Variants in DSCAM observed in about 807,000 individuals in gnomAD.
The protein encoded by DSCAM is DS cell adhesion molecule.
DSCAM carries 47 observed loss-of-function variants against 217.7 expected under a neutral mutation model. That is an observed-to-expected ratio of 0.22 (90% CI 0.17 to 0.28). The LOEUF is 0.28. Ranked by LOEUF, DSCAM falls within the 10% of genes least tolerant of loss-of-function variation. The pLI, the probability that DSCAM is intolerant of heterozygous loss-of-function variation, is 1.00. For synonymous variants in DSCAM, 1,056 were observed against 1,015.3 expected (o/e 1.04, Z -0.76); for missense variants, 2,080 against 2,618.3 (o/e 0.79, Z 4.49).
At chr21:40,176,241 G>T (rs532098168) in intron 15 of DSCAM, among the ~76,000 whole-genome samples, 64 of 152,202 alleles carry the variant, frequency 4.2e-4, no homozygotes, top group African/African-American at 1.5e-3. Context: ...ACAACAATAG[G>T]GGTCTGGGAG....
chr21:40,506,144 A>G (rs896195704), intron 3 of DSCAM, among the ~76,000 whole-genome samples: 1 of 152,216 alleles, frequency 6.6e-6, no homozygotes, highest in African/African-American at 2.4e-5. Flanking sequence ...TGTGTAACGC[A>G]TTTTATAAGC....
chr21:40,364,755 T>C (rs1456315283), intron 4 of DSCAM, among the ~76,000 whole-genome samples: 1 of 131,836 alleles, frequency 7.6e-6, no homozygotes, highest in Non-Finnish European at 1.5e-5. Flanking sequence ...CACACTAGTA[T>C]ATATACATAT....
chr21:40,258,021 T>C (rs1021598723), intron 11 of DSCAM, among the ~76,000 whole-genome samples: 1 of 152,180 alleles, frequency 6.6e-6, no homozygotes, highest in African/African-American at 2.4e-5. Flanking sequence ...AGACTCAGAA[T>C]TGTGAAGTGC....
chr21:40,377,635 G>A (rs2074976288), intron 3 of DSCAM, among the ~76,000 whole-genome samples: 1 of 151,882 alleles, frequency 6.6e-6, no homozygotes, highest in East Asian at 2.0e-4. Flanking sequence ...GGGCGTTGGA[G>A]ACCAAACTAT....
chr21:40,435,008 T>C (rs1328816947), intron 3 of DSCAM, among the ~76,000 whole-genome samples: 1 of 152,212 alleles, frequency 6.6e-6, no homozygotes, highest in Non-Finnish European at 1.5e-5. Context: ...AGACCTACAT[T>C]GTCCCCAACA....
At chr21:40,546,368 T>C (rs1398100223) in intron 3 of DSCAM, among the ~76,000 whole-genome samples, 1 of 152,214 alleles carries the variant, frequency 6.6e-6, no homozygotes, top group Non-Finnish European at 1.5e-5. Context: ...AGGCAGACTC[T>C]GGCCCAAAGC....
chr21:40,664,070 A>G (rs1441230667), intron 3 of DSCAM, among the ~76,000 whole-genome samples: 1 of 152,200 alleles, frequency 6.6e-6, no homozygotes, highest in Admixed American at 6.5e-5. Flanking sequence ...ATGCACAAAT[A>G]ATGTATTTCT....
At chr21:40,731,626 T>C (rs2091011775) in intron 1 of DSCAM, among the ~76,000 whole-genome samples, 1 of 152,070 alleles carries the variant, frequency 6.6e-6, no homozygotes, top group Non-Finnish European at 1.5e-5. Context: ...TTCCCCTTTG[T>C]GTGTGTGTCC....
At chr21:40,712,469 C>CA (rs571819417) in intron 1 of DSCAM, among the ~76,000 whole-genome samples, 2,578 of 27,034 alleles carry the variant, frequency 0.095, 471 homozygotes, top group African/African-American at 0.2. Context: ...GACTCCGTCT[C>CA]AAAAAAAAAA....
chr21:40,384,197 C>T (rs2075057870), intron 3 of DSCAM: 1 of 152,472 alleles, frequency 6.6e-6, no homozygotes, highest in Non-Finnish European at 1.5e-5. Flanking sequence ...AGATGATTTT[C>T]ATTGTCAGAC....
intron 13 of DSCAM, among the ~76,000 whole-genome samples, chr21:40,187,595 A>C (rs2090909230): frequency 6.6e-6 from 1 of 152,136 alleles, no homozygotes; most frequent in Non-Finnish European, 1.5e-5. Flanking sequence ...TGGATTCCTA[A>C]AATTGAGCAA....
At chr21:40,202,289 GT>G (rs1317981652) in intron 11 of DSCAM, among the ~76,000 whole-genome samples, 1 of 152,224 alleles carries the variant, frequency 6.6e-6, no homozygotes, top group Non-Finnish European at 1.5e-5. Flanking sequence ...GAGTTGTCAT[GT>G]CTGAAGCCAT....
At chr21:40,599,280 G>T (rs1405709395) in intron 3 of DSCAM, among the ~76,000 whole-genome samples, 2 of 152,088 alleles carry the variant, frequency 1.3e-5, no homozygotes, top group Non-Finnish European at 2.9e-5. Context: ...AGGTGTACAT[G>T]TACCATGGTG....
chr21:40,562,907 C>T (rs1032628205), intron 3 of DSCAM, among the ~76,000 whole-genome samples: 2 of 152,168 alleles, frequency 1.3e-5, no homozygotes, highest in African/African-American at 4.8e-5. Flanking sequence ...ACGACATGCA[C>T]TAAAAGTCAA....
intron 10 of DSCAM, among the ~76,000 whole-genome samples, chr21:40,285,620 T>C (rs542371019): frequency 1.3e-5 from 2 of 152,274 alleles, no homozygotes; most frequent in African/African-American, 4.8e-5. Flanking sequence ...ACACTCACTT[T>C]CTCTGTTCAG....
At chr21:40,474,751 A>G (rs2075919362) in intron 3 of DSCAM, among the ~76,000 whole-genome samples, 2 of 152,298 alleles carry the variant, frequency 1.3e-5, no homozygotes, top group Middle Eastern at 6.8e-3. Flanking sequence ...TGGTGAACTC[A>G]AGGTTTCTGC....
chr21:40,032,631 C>T (rs1387099732), intron 32 of DSCAM, among the ~76,000 whole-genome samples: 2 of 152,110 alleles, frequency 1.3e-5, no homozygotes, highest in African/African-American at 4.8e-5. Flanking sequence ...TAATATTAAA[C>T]TCAAAAAGTG....
intron 32 of DSCAM, among the ~76,000 whole-genome samples, chr21:40,035,715 T>G (rs2088607746): frequency 6.6e-6 from 1 of 150,996 alleles, no homozygotes; most frequent in African/African-American, 2.5e-5. Context: ...AATACACATT[T>G]TTTTCAGCAC....
chr21:40,131,457 G>A (rs1205859569), intron 19 of DSCAM, among the ~76,000 whole-genome samples: 8 of 151,958 alleles, frequency 5.3e-5, no homozygotes, highest in Non-Finnish European at 1.2e-4. Context: ...ACAGAGTCTC[G>A]ATCCGTCACC....
Sources: gnomAD v4.1 joint callset for allele counts (sites outside exome capture counted in the v4.1 genomes callset) on GRCh38, gnomAD v4.1.1 for gene constraint, MANE v1.5 for transcripts, NCBI Gene and HGNC (gene_info 2026-07-23, HGNC 2026-07-21) for gene names.